DNAH8: variants seen among roughly 807,000 people sequenced by gnomAD.
DNAH8 encodes axonemal beta dynein heavy chain 8.
In DNAH8, 382 loss-of-function variants were observed where a neutral mutation model predicts 562.1. The ratio of observed to expected loss-of-function variants is 0.68; its 90% CI spans 0.63 to 0.74. DNAH8 has a LOEUF of 0.74. Ranked by LOEUF, DNAH8 falls within the 30% of genes least tolerant of loss-of-function variation. The pLI is 0.00. For missense variants in DNAH8, 5,203 were observed against 5,620.4 expected (o/e 0.93, Z 2.37); for synonymous variants, 1,881 against 1,919.4 (o/e 0.98, Z 0.52).
chr6:38,816,042 TTTTTATTTTATTTTATTTTGTTTTA>T (rs1289351937), intron 26 of DNAH8, among the ~76,000 whole-genome samples: 14 of 147,640 alleles, frequency 9.5e-5, no homozygotes, highest in Non-Finnish European at 1.8e-4. Flanking sequence ...ACTGGTTTCT[TTTTTATTTTATTTTATTTTGTTTTA>T]TTTTATTTTA....
At chr6:38,932,783 TC>T in intron 76 of DNAH8, 1 of 152,036 alleles carries the variant, frequency 6.6e-6, no homozygotes, top group Non-Finnish European at 1.5e-5. Flanking sequence ...GAGATGTGAA[TC>T]CAGGGTCCCA....
At chr6:39,012,063 G>T (rs536359476) in intron 89 of DNAH8, 152 bp from the exon 90 acceptor site, 11 of 496,686 alleles carry the variant, frequency 2.2e-5, no homozygotes, top group Non-Finnish European at 3.8e-5. Flanking sequence ...AAGTTTAATG[G>T]CAAGTTTGGT....
intron 6 of DNAH8, 134 bp downstream of exon 6, chr6:38,737,390 G>T: frequency 2.1e-6 from 1 of 472,972 alleles, no homozygotes. Flanking sequence ...GGCAAGAAAT[G>T]AAATCATTAG....
Position 38,870,463 on chromosome 6 carries a change from G to A in DNAH8, c.6891G>A (p.Leu2297=). 1 of 1,614,016 alleles carries A rather than the reference G, an allele frequency of 6.2e-7. No homozygotes were observed. The highest frequency in any genetic ancestry group is 8.5e-7 in the Non-Finnish European group (1 of 1,179,952). The change falls in exon 49 of 93, where the codon CTG becomes CTA. Residue 2297 remains leucine, a synonymous_variant. Coordinates refer to ENST00000327475, the MANE Select transcript of DNAH8 (RefSeq NM_001206927.2). ...ATGACCTGTTCCCAGGACTGCAACTGGATAGTAATACTTATGCAGAACTGC... is the reference window on the plus strand; with the variant it reads ...ATGACCTGTTCCCAGGACTGCAACTAGATAGTAATACTTATGCAGAACTGC... The part of the protein sequence containing the change: ...LINDLFPGLQ[L]DSNTYAELQN...
intron 1 of DNAH8, among the ~76,000 whole-genome samples, chr6:38,719,475 A>G (rs1455657125): frequency 6.6e-6 from 1 of 152,150 alleles, no homozygotes; most frequent in Non-Finnish European, 1.5e-5. Flanking sequence ...ATAAGTGTGA[A>G]CATGAGGTAT....
chr6:38,930,176 A>T (rs4711565), intron 75 of DNAH8, among the ~76,000 whole-genome samples: 32,986 of 152,052 alleles, frequency 0.22, 5,645 homozygotes, highest in African/African-American at 0.47. Context: ...TGATTTGGTC[A>T]TTTATCTCTT....
At chr6:38,820,915 A>G (rs1192225685) in intron 26 of DNAH8, among the ~76,000 whole-genome samples, 1 of 152,188 alleles carries the variant, frequency 6.6e-6, no homozygotes, top group Non-Finnish European at 1.5e-5. Context: ...TTTTCCCCCT[A>G]AGATTAGGAA....
chr6:38,973,910 C>A, intron 84 of DNAH8, 97 bp downstream of exon 84: 1 of 932,232 alleles, frequency 1.1e-6, no homozygotes, highest in East Asian at 2.6e-5. Flanking sequence ...CTTTTTGGTC[C>A]TGTAGGGTCT....
Position 38,722,795 on chromosome 6 carries a change from TC to T in DNAH8, c.-13del, listed in dbSNP as rs1427091475. The T allele has an allele frequency of 1.3e-6, 2 of 1,562,344 alleles. No individual in the cohort carries two copies. The highest frequency in any genetic ancestry group is 1.4e-5 in the African/African-American group (1 of 72,766). On this transcript the variant is annotated 5_prime_UTR_variant, in exon 2 of 93. Transcript: ENST00000327475. ...TTCTAGGTTTCGAAGTATAAAGCAT[TC>T]CGCACGACGGGGGATGGAGAAGGAT...
chr6:38,832,470 G>A (rs754924847), intron 31 of DNAH8, 35 bp downstream of exon 31: 1 of 1,261,578 alleles, frequency 7.9e-7, no homozygotes. Flanking sequence ...ATGTTGAAAT[G>A]TTCTGTGATG....
At chr6:38,732,208 C>T (rs1490058414) in intron 4 of DNAH8, among the ~76,000 whole-genome samples, 1 of 152,194 alleles carries the variant, frequency 6.6e-6, no homozygotes, top group East Asian at 1.9e-4. Flanking sequence ...CATTATACAG[C>T]TGCATTGTGA....
In DNAH8 at chr6:38,817,129, G is replaced by A. The variant is rs190980262; in HGVS notation, c.3523+1472G>A. Reference sequence around the variant, plus strand: ...AGGCCAAGGCAGGTGGATCATCTTAGGTCAGGAGTTTGATATCATCCTGGC... The same window carrying A: ...AGGCCAAGGCAGGTGGATCATCTTAAGTCAGGAGTTTGATATCATCCTGGC... On this transcript the variant is annotated intron_variant, in intron 26 of 92. Transcript: ENST00000327475. Among the ~76,000 whole-genome samples the A allele has an allele frequency of 1.4e-3, 208 of 152,282 alleles. 1 individual carries two copies. The highest frequency in any genetic ancestry group is 4.9e-3 in the African/African-American group (202 of 41,566).
At position 38,931,934 on chromosome 6, in the gene DNAH8, G is replaced by A. The variant is rs371600150; in HGVS notation, c.11398G>A (p.Val3800Ile). The change falls in exon 76 of 93, where the codon GTT becomes ATT. Residue 3800 changes from valine (V) to isoleucine (I), a missense_variant. By Grantham distance (29) the Val-to-Ile change is conservative. Around this residue, in one of 6 missense-constraint regions of DNAH8, gnomAD observed 1,399 missense variants for 1,518.4 expected, o/e 0.92. Transcript: ENST00000327475. ...TAAAACGTCAGTCATTGATTTCACT[G>A]TTACAATGAAAGGACTTGAGAATCA... is the stretch of plus-strand genomic sequence containing the variant. ...NAKTSVIDFTVTMKGLENQLL... is the reference protein window; with the variant it reads ...NAKTSVIDFTITMKGLENQLL... The A allele has an allele frequency of 1.3e-5, 21 of 1,610,328 alleles. No individual in the cohort carries two copies. Among genetic ancestry groups the A allele is most frequent in the Non-Finnish European group, 1.7e-5 (20 of 1,178,698 alleles).
intron 30 of DNAH8, among the ~76,000 whole-genome samples, chr6:38,831,318 G>T (rs993783757): frequency 6.6e-5 from 10 of 151,524 alleles, no homozygotes; most frequent in Non-Finnish European, 2.9e-5. Context: ...CTGGCTATTT[G>T]GGAGGCTGAG....
Position 38,803,211 on chromosome 6 carries a change from C to T in DNAH8, c.2934C>T (p.Asn978=). 6.2e-7 allele frequency: 1 copy of T among 1,606,144 alleles called. No homozygotes were observed. The highest frequency in any genetic ancestry group is 8.5e-7 in the Non-Finnish European group (1 of 1,175,968). Residue 978 remains asparagine (N), a synonymous_variant, in exon 22 of 93, where the codon AAC becomes AAT. Coordinates refer to ENST00000327475, the MANE Select transcript of DNAH8 (RefSeq NM_001206927.2). The part of the protein sequence containing the change: ...TYTKEWADIL[N]HKSKHVEEAV... ...CAAAAGAATGGGCTGACATTCTAAACCACAAAAGTAAGCATGTGGAAGAAG... is the reference window on the plus strand; with the variant it reads ...CAAAAGAATGGGCTGACATTCTAAATCACAAAAGTAAGCATGTGGAAGAAG...
In DNAH8 at chr6:38,723,457, T is replaced by C. The variant is rs1029760916; in HGVS notation, c.511T>C (p.Leu171=). 2 of 1,606,470 alleles carry C rather than the reference T, an allele frequency of 1.2e-6. No individual in the cohort carries two copies. The highest frequency in any genetic ancestry group is 2.7e-5 in the African/African-American group (2 of 74,604). ...CATAGTAACTGTTGAAGAATTAATT[T>C]TGGATTGCCCATCTGTAAGTTTAAG... ...LDIVTVEELI[L]DCPSLEAFTN... is the part of the protein sequence containing the mutation. Residue 171 remains leucine (L), a synonymous_variant, in exon 3 of 93, where the codon TTG becomes CTG. Transcript: ENST00000327475.
At chr6:38,948,036 C>G (rs980489298) in intron 80 of DNAH8, among the ~76,000 whole-genome samples, 1 of 152,128 alleles carries the variant, frequency 6.6e-6, no homozygotes, top group African/African-American at 2.4e-5. Flanking sequence ...GCATGAGCCA[C>G]CATGCCAGGC....
At chr6:38,880,547 TAAAA>T (rs796726509) in intron 53 of DNAH8, among the ~76,000 whole-genome samples, 98 of 152,066 alleles carry the variant, frequency 6.4e-4, no homozygotes, top group African/African-American at 2.2e-3. Flanking sequence ...ATATATCTGA[TAAAA>T]AAAATTTATC....
chr6:38,862,909 A>G (rs369135866), intron 44 of DNAH8, among the ~76,000 whole-genome samples: 1 of 152,182 alleles, frequency 6.6e-6, no homozygotes, highest in Non-Finnish European at 1.5e-5. Context: ...CAGAGAAAAA[A>G]ATATTTGAAG....
Sources: gnomAD v4.1 joint callset for allele counts (sites outside exome capture counted in the v4.1 genomes callset) on GRCh38, gnomAD v4.1.1 for gene constraint, gnomAD v4.1.1 regional missense constraint, MANE v1.5 for transcripts, NCBI Gene and HGNC (gene_info 2026-07-23, HGNC 2026-07-21) for gene names.